MBOAT2: variants seen among roughly 807,000 people sequenced by gnomAD.
MBOAT2 encodes membrane-bound glycerophospholipid O-acyltransferase 2.
MBOAT2 carries 28 observed loss-of-function variants against 63.4 expected under a neutral mutation model. That is an observed-to-expected ratio of 0.44 (90% confidence interval 0.33 to 0.61). MBOAT2 has a LOEUF of 0.61. Ranked by LOEUF, MBOAT2 falls within the 20% of genes least tolerant of loss-of-function variation. The probability of loss-of-function intolerance (pLI) is 0.03; values close to 1 mark genes in which losing one functional copy is unlikely to be tolerated. For synonymous variants in MBOAT2, 211 were observed against 215.6 expected (o/e 0.98, Z 0.19); for missense variants, 470 against 605.8 (o/e 0.78, Z 2.35).
intron 2 of MBOAT2, among the ~76,000 whole-genome samples, chr2:8,947,151 T>C (rs747515547): frequency 1.3e-5 from 2 of 152,234 alleles, no homozygotes; most frequent in Admixed American, 6.5e-5. Context: ...GAAAGTTTAA[T>C]TGTCTGGACA....
chr2:8,926,603 G>A (rs1037030927), intron 3 of MBOAT2, among the ~76,000 whole-genome samples: 17 of 152,294 alleles, frequency 1.1e-4, no homozygotes, highest in African/African-American at 4.1e-4. Context: ...TGGCTCAGTC[G>A]AGGAGCGAGT....
At position 8,916,718 on chromosome 2, in the gene MBOAT2, T is replaced by C. The variant is rs938730336; in HGVS notation, c.300-8002A>G. 2.2e-4 allele frequency among the ~76,000 whole-genome samples: 33 copies of C among 152,374 alleles called. No individual in the cohort carries two copies. The East Asian group carries it at 2.3e-3, about 11-fold the overall frequency. ...ACGGTTTACTCCAAGGTTCTCAGGC[T>C]TAGACGGCTTTGGTTGTAGCCCAAC... On this transcript the variant is annotated intron_variant, in intron 3 of 12. Coordinates refer to ENST00000305997, the MANE Select transcript of MBOAT2 (RefSeq NM_138799.4).
intron 4 of MBOAT2, among the ~76,000 whole-genome samples, chr2:8,906,310 A>G (rs567661232): frequency 3.0e-4 from 46 of 152,360 alleles, no homozygotes; most frequent in African/African-American, 1.1e-3. Context: ...TTAAACATGC[A>G]CTATGCTCTT....
At chr2:8,918,602 G>A (rs1243352340) in intron 3 of MBOAT2, among the ~76,000 whole-genome samples, 2 of 152,134 alleles carry the variant, frequency 1.3e-5, no homozygotes. Context: ...TAAATGGAGT[G>A]CAATAAAATA....
At chr2:8,891,805 A>G (rs1412361942) in intron 4 of MBOAT2, among the ~76,000 whole-genome samples, 1 of 152,166 alleles carries the variant, frequency 6.6e-6, no homozygotes, top group Non-Finnish European at 1.5e-5. Flanking sequence ...GGGCCTCAGG[A>G]TGGAGCTTCC....
At chr2:8,974,440 G>A (rs1397903266) in intron 1 of MBOAT2, 6 of 456,374 alleles carry the variant, frequency 1.3e-5, no homozygotes, top group African/African-American at 1.0e-4. Context: ...GGCAGCCTAG[G>A]AGAAATAAAT....
intron 1 of MBOAT2, among the ~76,000 whole-genome samples, chr2:8,998,516 T>C (rs984511392): frequency 1.3e-5 from 2 of 152,080 alleles, no homozygotes; most frequent in South Asian, 2.1e-4. Flanking sequence ...AGTACAGACC[T>C]GCAGGAAGAT....
chr2:8,867,571 C>T (rs887405166), intron 9 of MBOAT2, among the ~76,000 whole-genome samples: 2 of 152,194 alleles, frequency 1.3e-5, no homozygotes, highest in African/African-American at 4.8e-5. Flanking sequence ...CATATCTATT[C>T]TCTGTTCCTT....
At chr2:8,983,092 T>C (rs973052330) in intron 1 of MBOAT2, among the ~76,000 whole-genome samples, 14 of 152,164 alleles carry the variant, frequency 9.2e-5, no homozygotes, top group African/African-American at 3.4e-4. Context: ...ACTTTACAGG[T>C]CACTGAGACT....
At chr2:8,970,515 A>C (rs1437970020) in intron 1 of MBOAT2, among the ~76,000 whole-genome samples, 10 of 152,220 alleles carry the variant, frequency 6.6e-5, no homozygotes, top group African/African-American at 2.4e-4. Flanking sequence ...ACAAATAACT[A>C]AGATCAGAGC....
At chr2:8,882,380 T>G (rs1360794238) in intron 6 of MBOAT2, 131 bp downstream of exon 6, 1 of 882,842 alleles carries the variant, frequency 1.1e-6, no homozygotes, top group South Asian at 1.6e-5. Flanking sequence ...GGGAAGTGCA[T>G]GGAGAGAGTG....
chr2:8,863,911 T>C lies in MBOAT2; in HGVS notation c.1052+259A>G, dbSNP rs932983922. ...AGGAGGATACTGGTGACCTCTGACA[T>C]TGGCAGAGGCCTTTAAAGGAGGCTT... On this transcript the variant is annotated intron_variant, in intron 10 of 12. Transcript: ENST00000305997. Among the ~76,000 whole-genome samples, 6 of 152,238 alleles carry C rather than the reference T, an allele frequency of 3.9e-5. No individual in the cohort carries two copies. In the East Asian group the frequency reaches 7.7e-4, roughly 20 times the overall value.
intron 5 of MBOAT2, among the ~76,000 whole-genome samples, chr2:8,884,356 A>G (rs1663385418): frequency 6.6e-6 from 1 of 152,004 alleles, no homozygotes; most frequent in Non-Finnish European, 1.5e-5. Context: ...ACACTTAAAA[A>G]AAAAGATGAT....
intron 1 of MBOAT2, among the ~76,000 whole-genome samples, chr2:8,974,724 T>C (rs1383814593): frequency 2.0e-5 from 3 of 152,186 alleles, no homozygotes; most frequent in Admixed American, 6.5e-5. Flanking sequence ...TAGATGATTT[T>C]TTAAAATAAT....
chr2:8,992,494 T>C (rs960462178), intron 1 of MBOAT2, among the ~76,000 whole-genome samples: 1 of 152,248 alleles, frequency 6.6e-6, no homozygotes, highest in African/African-American at 2.4e-5. Flanking sequence ...GTATATATTG[T>C]AGTTTTAGCT....
intron 2 of MBOAT2, among the ~76,000 whole-genome samples, chr2:8,953,372 T>G (rs1371036563): frequency 6.6e-6 from 1 of 152,228 alleles, no homozygotes; most frequent in Admixed American, 6.5e-5. Flanking sequence ...TTTAAGATTT[T>G]TTTCTTTAGC....
chr2:8,951,112 G>A (rs2103258406), intron 2 of MBOAT2, among the ~76,000 whole-genome samples: 1 of 151,954 alleles, frequency 6.6e-6, no homozygotes, highest in Non-Finnish European at 1.5e-5. Flanking sequence ...GCCAGGTTTT[G>A]GTATCAGAGT....
intron 8 of MBOAT2, among the ~76,000 whole-genome samples, chr2:8,872,520 G>A (rs1391120826): frequency 6.6e-6 from 1 of 152,156 alleles, no homozygotes; most frequent in East Asian, 1.9e-4. Context: ...GGCCTCAAGT[G>A]ATCCTCCCAC....
intron 3 of MBOAT2, among the ~76,000 whole-genome samples, chr2:8,942,713 G>A (rs1314460045): frequency 1.3e-5 from 2 of 152,180 alleles, no homozygotes; most frequent in Non-Finnish European, 2.9e-5. Flanking sequence ...AAACACGGAA[G>A]TCATCCTTGA....
Sources: gnomAD v4.1 joint callset for allele counts (sites outside exome capture counted in the v4.1 genomes callset) on GRCh38, gnomAD v4.1.1 for gene constraint, MANE v1.5 for transcripts, NCBI Gene and HGNC (gene_info 2026-07-23, HGNC 2026-07-21) for gene names.